The following ARHGAP10 variants were observed in gnomAD, a reference collection of about 807,000 sequenced individuals.
The protein encoded by ARHGAP10 is rho GTPase-activating protein 10.
ARHGAP10 carries 87 observed loss-of-function variants against 108.6 expected under a neutral mutation model. That is an observed-to-expected ratio of 0.80 (90% CI 0.67 to 0.96). ARHGAP10 has a LOEUF of 0.96. ARHGAP10 is among the 40% of genes least tolerant of loss of function. The pLI, the probability that ARHGAP10 is intolerant of heterozygous loss-of-function variation, is 0.00. For synonymous variants in ARHGAP10, 347 were observed against 341.1 expected (o/e 1.02, Z -0.19); for missense variants, 939 against 954.5 (o/e 0.98, Z 0.21).
At chr4:148,043,649 A>ATATATATATATATATATATATATG (rs1728738855) in intron 19 of ARHGAP10, among the ~76,000 whole-genome samples, 1 of 114,516 alleles carries the variant, frequency 8.7e-6, no homozygotes, top group Non-Finnish European at 1.8e-5. Context: ...ATATATATAT[A>ATATATATATATATATATATATATG]TATTTTAGGT....
At chr4:148,032,197 C>G (rs1578808541) in intron 19 of ARHGAP10, among the ~76,000 whole-genome samples, 2 of 152,068 alleles carry the variant, frequency 1.3e-5, no homozygotes, top group Non-Finnish European at 2.9e-5. Context: ...GTGGAAAGAT[C>G]TATTCCATCC....
intron 18 of ARHGAP10, among the ~76,000 whole-genome samples, chr4:148,013,072 C>T (rs1741226626): frequency 1.3e-5 from 2 of 152,002 alleles, no homozygotes; most frequent in Non-Finnish European, 2.9e-5. Context: ...CAAAGTGTTC[C>T]TATAAATTTT....
intron 7 of ARHGAP10, among the ~76,000 whole-genome samples, chr4:147,869,281 T>C (rs1468296513): frequency 6.6e-6 from 1 of 152,174 alleles, no homozygotes; most frequent in Non-Finnish European, 1.5e-5. Flanking sequence ...CATCAGTCTC[T>C]TGGGATGTTG....
At chr4:148,055,714 G>T (rs917496917) in intron 20 of ARHGAP10, among the ~76,000 whole-genome samples, 1 of 152,194 alleles carries the variant, frequency 6.6e-6, no homozygotes, top group Non-Finnish European at 1.5e-5. Context: ...AAAGATATTT[G>T]TTCTCAAAGG....
At chr4:147,765,928 G>A (rs1457831577) in intron 1 of ARHGAP10, among the ~76,000 whole-genome samples, 1 of 152,064 alleles carries the variant, frequency 6.6e-6, no homozygotes, top group Admixed American at 6.6e-5. Context: ...ATATCCTCGG[G>A]GGATTAGTTC....
intron 18 of ARHGAP10, among the ~76,000 whole-genome samples, chr4:147,967,044 G>A (rs1055232925): frequency 2.0e-5 from 3 of 152,138 alleles, no homozygotes; most frequent in Non-Finnish European, 1.5e-5. Context: ...CTGGTCTTTT[G>A]TTATCTCCCT....
chr4:148,059,629 GA>G (rs1423346835), intron 20 of ARHGAP10, among the ~76,000 whole-genome samples: 6 of 152,088 alleles, frequency 3.9e-5, no homozygotes, highest in African/African-American at 1.4e-4. Flanking sequence ...GCTCTCCCCT[GA>G]ACCACAGAGT....
chr4:147,934,397 T>C (rs1278509788), intron 13 of ARHGAP10, among the ~76,000 whole-genome samples: 1 of 152,326 alleles, frequency 6.6e-6, no homozygotes, highest in East Asian at 1.9e-4. Flanking sequence ...ACAGAGAGAC[T>C]TTGATGGTGG....
intron 17 of ARHGAP10, 50 bp from the exon 18 acceptor site, chr4:147,966,629 CA>C (rs1560849966): frequency 6.8e-7 from 1 of 1,469,748 alleles, no homozygotes; most frequent in East Asian, 2.3e-5. Flanking sequence ...TTACAGTCCA[CA>C]ATTTTTGCTC....
intron 18 of ARHGAP10, among the ~76,000 whole-genome samples, chr4:148,003,958 C>CTAAGCCTAAATCAGCAAGTGAA (rs1740842972): frequency 8.7e-6 from 1 of 114,602 alleles, no homozygotes; most frequent in African/African-American, 5.0e-5. Context: ...TGCTAAGAGA[C>CTAAGCCTAAATCAGCAAGTGAA]GTGAGAGAAA....
At chr4:147,824,040 C>T (rs1009954244) in intron 3 of ARHGAP10, among the ~76,000 whole-genome samples, 4 of 152,180 alleles carry the variant, frequency 2.6e-5, no homozygotes, top group Non-Finnish European at 5.9e-5. Context: ...CAGATTCAGG[C>T]TGGGCGAGGT....
At position 148,004,577 on chromosome 4, in the gene ARHGAP10, T is replaced by G. The variant is rs181718614; in HGVS notation, c.1717-18686T>G. ...CTTGGAAGTAATCAACCACGTGAAC[T>G]GTCTGTGGAGAGGGCCACGTGGCAG... On this transcript the variant is annotated intron_variant, in intron 18 of 22. Transcript: ENST00000336498. Among the ~76,000 whole-genome samples, 244 of 152,330 alleles carry G rather than the reference T, an allele frequency of 1.6e-3. 1 individual carries two copies. The highest frequency in any genetic ancestry group is 5.5e-3 in the African/African-American group (229 of 41,578).
chr4:147,832,357 A>T (rs7691655), intron 3 of ARHGAP10, among the ~76,000 whole-genome samples: 131,459 of 149,114 alleles, frequency 0.88, 59,141 homozygotes, highest in Non-Finnish European at 0.98. Context: ...TTTTTTTTTT[A>T]AAAAGAGGAG....
intron 3 of ARHGAP10, among the ~76,000 whole-genome samples, chr4:147,831,391 T>C (rs947862523): frequency 6.6e-6 from 1 of 152,134 alleles, no homozygotes; most frequent in African/African-American, 2.4e-5. Context: ...TGAGTTCTTA[T>C]AGGATAAGTA....
At chr4:147,966,972 G>A (rs1336911532) in intron 18 of ARHGAP10, 133 bp downstream of exon 18, 17 of 758,146 alleles carry the variant, frequency 2.2e-5, no homozygotes, top group Non-Finnish European at 3.2e-5. Flanking sequence ...GATGAGCTTG[G>A]TTCTAAGAAG....
rs541910114 is a variant in ARHGAP10 at position 147,992,709 on chromosome 4, A to G, written c.1716+25870A>G. 2.0e-5 allele frequency among the ~76,000 whole-genome samples: 3 copies of G among 152,266 alleles called. No individual in the cohort carries two copies. In the South Asian group the frequency reaches 6.2e-4, roughly 32 times the overall value. ...ACGTGAGCCATTGCACCTGGCCGAA[A>G]AAGCCTTTTAATAAAAAGGTTTAAA... is the stretch of plus-strand genomic sequence containing the variant. On this transcript the variant is annotated intron_variant, in intron 18 of 22. Coordinates refer to ENST00000336498, the MANE Select transcript of ARHGAP10 (RefSeq NM_024605.4).
chr4:147,871,141 G>GA (rs1734808706), intron 7 of ARHGAP10, among the ~76,000 whole-genome samples: 1 of 151,988 alleles, frequency 6.6e-6, no homozygotes, highest in South Asian at 2.1e-4. Context: ...TGTATTTTTA[G>GA]TAGAGACGGG....
At chr4:147,914,556 T>TCCC (rs33937677) in intron 13 of ARHGAP10, among the ~76,000 whole-genome samples, 4 of 120,118 alleles carry the variant, frequency 3.3e-5, no homozygotes, top group Non-Finnish European at 5.0e-5. Context: ...TGTTCTGCGC[T>TCCC]CCCCCCCCCC....
chr4:147,916,238 G>A (rs574826058), intron 13 of ARHGAP10, among the ~76,000 whole-genome samples: 75 of 152,166 alleles, frequency 4.9e-4, no homozygotes, highest in African/African-American at 1.5e-3. Context: ...CATATGGTTC[G>A]GTTAAAGCCA....
Sources: allele counts gnomAD v4.1 joint callset (sites outside exome capture counted in the v4.1 genomes callset), GRCh38; gene constraint gnomAD v4.1.1; transcripts MANE v1.5; gene names NCBI Gene and HGNC (gene_info 2026-07-23, HGNC 2026-07-21).